SUSD1: variants seen among roughly 807,000 people sequenced by gnomAD.
SUSD1 encodes sushi domain-containing protein 1.
Under a neutral mutation model 86.9 loss-of-function variants are expected in SUSD1, and 65 were observed. That is an observed-to-expected ratio of 0.75 (90% CI 0.61 to 0.92). SUSD1 has a LOEUF of 0.92. Among genes scored for constraint, SUSD1 ranks in the 40% least tolerant of loss-of-function variants. The pLI is 0.00. For missense variants in SUSD1, 850 were observed against 929.7 expected, an observed-to-expected ratio of 0.91 and a Z score of 1.11; for synonymous variants, 346 against 350.0, an observed-to-expected ratio of 0.99 and a Z score of 0.13.
In SUSD1 at chr9:112,098,663, C is replaced by T; in HGVS notation, c.1282-1G>A. On this transcript the variant is annotated splice_acceptor_variant, in intron 9 of 16. Coordinates refer to ENST00000374270, the MANE Select transcript of SUSD1 (RefSeq NM_022486.5). LOFTEE classifies it high-confidence loss of function. Reference sequence around the variant, plus strand: ...ACCACCTCTGACCCAGAACGGTAAACTGTCATGAGATTAAAAGAAAGTGTT... The same window carrying T: ...ACCACCTCTGACCCAGAACGGTAAATTGTCATGAGATTAAAAGAAAGTGTT... 2 of 1,614,076 alleles carry T rather than the reference C, an allele frequency of 1.2e-6. No individual in the cohort carries two copies. Among genetic ancestry groups the T allele is most frequent in the Non-Finnish European group, 1.7e-6 (2 of 1,179,938 alleles).
rs1457176160 is a variant in SUSD1, at chr9:112,099,416, G to A, written c.1282-754C>T. Among the ~76,000 whole-genome samples, 4 of 152,056 alleles carry A rather than the reference G, an allele frequency of 2.6e-5. 1 individual carries two copies. In the East Asian group the frequency reaches 5.8e-4, roughly 22 times the overall value. ...TAGAACAGAGTACTTAAACTAGGTG[G>A]GTTCCTTAACCCTACCCATGGAAGA... On this transcript the variant is annotated intron_variant, in intron 9 of 16. Coordinates refer to ENST00000374270, the MANE Select transcript of SUSD1 (RefSeq NM_022486.5).
At chr9:112,045,606 G>A (rs548856582) in intron 15 of SUSD1, among the ~76,000 whole-genome samples, 5 of 152,208 alleles carry the variant, frequency 3.3e-5, no homozygotes, top group Admixed American at 6.5e-5. Context: ...CCTGACTCCC[G>A]GGAACTGCTG....
rs979168683 is a variant in SUSD1, at chr9:112,149,502, T to C, written c.218-103A>G. The C allele has an allele frequency of 9.2e-5, 120 of 1,305,846 alleles. No homozygotes were observed. The Middle Eastern group carries it at 1.6e-3, about 18-fold the overall frequency. 80.9% of individuals were successfully genotyped at this position (1,305,846 alleles called of 1,614,324 possible). A position where few individuals can be genotyped will look rare whatever the true frequency, so the allele number is the denominator to read the frequency against. ...TATGGACTCGGGAACCAACGTTCTG[T>C]GACCACACCTTAGTGATCTATTTCT... On this transcript the variant is annotated intron_variant, in intron 2 of 16. Transcript: ENST00000374270.
chr9:112,160,037 A>G (rs1452877120), intron 1 of SUSD1, among the ~76,000 whole-genome samples: 1 of 152,102 alleles, frequency 6.6e-6, no homozygotes, highest in Non-Finnish European at 1.5e-5. Flanking sequence ...AAAAAGAAAA[A>G]AAAAAGAAAA....
chr9:112,091,482 T>C (rs1351609895), intron 10 of SUSD1, among the ~76,000 whole-genome samples: 1 of 152,198 alleles, frequency 6.6e-6, no homozygotes, highest in Non-Finnish European at 1.5e-5. Context: ...CTTCTCCTTG[T>C]AGGATTTTTT....
intron 12 of SUSD1, among the ~76,000 whole-genome samples, chr9:112,073,459 C>T (rs1026530140): frequency 1.3e-5 from 2 of 152,040 alleles, no homozygotes; most frequent in Admixed American, 6.6e-5. Flanking sequence ...GGCTTTCTCA[C>T]GCTCACTCTC....
intron 10 of SUSD1, among the ~76,000 whole-genome samples, chr9:112,089,682 C>CGG: frequency 6.6e-6 from 1 of 151,796 alleles, no homozygotes; most frequent in Admixed American, 6.6e-5. Context: ...CGTGGTGGTA[C>CGG]ATGCCTGTAG....
chr9:112,079,395 G>C (rs1465237232), intron 11 of SUSD1, among the ~76,000 whole-genome samples: 2 of 152,142 alleles, frequency 1.3e-5, no homozygotes, highest in Non-Finnish European at 2.9e-5. Flanking sequence ...CATTTTCCTA[G>C]AAAGAATATT....
Position 112,098,199 on chromosome 9 carries a change from T to G in SUSD1, c.1474+271A>C, listed in dbSNP as rs537612180. On this transcript the variant is annotated intron_variant, in intron 10 of 16. Transcript: ENST00000374270. Reference sequence around the variant, plus strand: ...AAATTTGGGGTGAGAGATAAAATGCTTTATGGAATTCTCAACTTAGGACTC... The same window carrying G: ...AAATTTGGGGTGAGAGATAAAATGCGTTATGGAATTCTCAACTTAGGACTC... 1.3e-4 allele frequency among the ~76,000 whole-genome samples: 20 copies of G among 152,128 alleles called. 1 individual carries two copies. The highest frequency in any genetic ancestry group is 3.2e-3 in the Middle Eastern group (1 of 316).
At chr9:112,144,139 C>T (rs1038628520) in intron 3 of SUSD1, among the ~76,000 whole-genome samples, 2 of 151,880 alleles carry the variant, frequency 1.3e-5, no homozygotes, top group Non-Finnish European at 2.9e-5. Context: ...ATTCAGGAGG[C>T]TGAGGCAGGA....
At chr9:112,166,838 C>T (rs1833847562) in intron 1 of SUSD1, among the ~76,000 whole-genome samples, 1 of 152,108 alleles carries the variant, frequency 6.6e-6, no homozygotes, top group South Asian at 2.1e-4. Flanking sequence ...CGAGGGATGT[C>T]TAGAATTACT....
chr9:112,153,728 C>T (rs1474365062), intron 2 of SUSD1, among the ~76,000 whole-genome samples: 4 of 151,242 alleles, frequency 2.6e-5, no homozygotes, highest in African/African-American at 9.7e-5. Context: ...ATTCTCCTGT[C>T]TCAGCCTCCT....
intron 10 of SUSD1, among the ~76,000 whole-genome samples, chr9:112,094,970 G>A (rs1355267869): frequency 1.3e-5 from 2 of 152,208 alleles, no homozygotes; most frequent in Non-Finnish European, 2.9e-5. Flanking sequence ...CGGCTATAAG[G>A]ACATCTGCCT....
intron 13 of SUSD1, among the ~76,000 whole-genome samples, chr9:112,060,067 T>G (rs1217345861): frequency 2.0e-5 from 3 of 151,428 alleles, no homozygotes; most frequent in African/African-American, 4.9e-5. Flanking sequence ...CATTAGGCCA[T>G]GTAATTCTAT....
chr9:112,089,766 C>G (rs1269332321), intron 10 of SUSD1, among the ~76,000 whole-genome samples: 1 of 147,920 alleles, frequency 6.8e-6, no homozygotes, highest in East Asian at 2.0e-4. Flanking sequence ...GAGCTGAGAT[C>G]GCGCCACTGC....
At chr9:112,140,047 G>A (rs549158725) in intron 5 of SUSD1, among the ~76,000 whole-genome samples, 22 of 150,452 alleles carry the variant, frequency 1.5e-4, no homozygotes, top group Middle Eastern at 3.4e-3. Flanking sequence ...GCAACATGGC[G>A]AAACCCCATC....
intron 10 of SUSD1, among the ~76,000 whole-genome samples, chr9:112,089,756 G>A (rs544750993): frequency 7.4e-5 from 11 of 148,156 alleles, no homozygotes; most frequent in African/African-American, 1.7e-4. Flanking sequence ...AAGTTGCAGC[G>A]AGCTGAGATC....
chr9:112,125,733 T>C lies in SUSD1; in HGVS notation c.707-1297A>G, dbSNP rs573201648. Among the ~76,000 whole-genome samples, 8 of 152,356 alleles carry C rather than the reference T, an allele frequency of 5.3e-5. No individual in the cohort carries two copies. In the East Asian group the frequency reaches 1.5e-3, roughly 29 times the overall value. On this transcript the variant is annotated intron_variant, in intron 5 of 16. Coordinates refer to ENST00000374270, the MANE Select transcript of SUSD1 (RefSeq NM_022486.5). ...AGCATTCAAACTAGAGAAAATCATATAACCTGTTTCCATATCCCCATCAGC... is the reference window on the plus strand; with the variant it reads ...AGCATTCAAACTAGAGAAAATCATACAACCTGTTTCCATATCCCCATCAGC...
At chr9:112,047,416 G>T (rs1828003977) in intron 15 of SUSD1, among the ~76,000 whole-genome samples, 1 of 152,146 alleles carries the variant, frequency 6.6e-6, no homozygotes, top group Non-Finnish European at 1.5e-5. Context: ...GCCTTACGAG[G>T]CTAGAATCAA....
Sources: gnomAD v4.1 joint callset for allele counts (sites outside exome capture counted in the v4.1 genomes callset) on GRCh38, gnomAD v4.1.1 for gene constraint, MANE v1.5 for transcripts, NCBI Gene and HGNC (gene_info 2026-07-23, HGNC 2026-07-21) for gene names.